The following FHIT variants were observed in gnomAD, a reference collection of about 807,000 sequenced individuals.
FHIT encodes fragile histidine triad diadenosine triphosphatase, also known as bis(5'-adenosyl)-triphosphatase.
A neutral mutation model predicts 17.9 loss-of-function variants in FHIT; 19 were observed. The observed-to-expected ratio is 1.06, with a 90% CI of 0.74 to 1.56. The LOEUF (loss-of-function observed/expected upper bound fraction) is 1.56. Ranked by LOEUF, FHIT falls within the 40% of genes most tolerant of loss-of-function variation. FHIT has a pLI of 0.00. For synonymous variants in FHIT, 81 were observed against 69.7 expected, an observed-to-expected ratio of 1.16 and a Z score of -0.81; for missense variants, 248 against 189.2, an observed-to-expected ratio of 1.31 and a Z score of -1.82.
At chr3:60,124,005 TATATAGAGAGAG>T (rs1188006422) in intron 5 of FHIT, among the ~76,000 whole-genome samples, 5 of 20,916 alleles carry the variant, frequency 2.4e-4, no homozygotes, top group African/African-American at 4.0e-4. Context: ...TATATATATA[TATATAGAGAGAG>T]AGAGAGAGAG....
intron 4 of FHIT, among the ~76,000 whole-genome samples, chr3:60,717,339 T>C (rs2041707385): frequency 6.6e-6 from 1 of 152,076 alleles, no homozygotes; most frequent in Admixed American, 6.6e-5. Context: ...CCACAAAAAT[T>C]TATGAGATGA....
intron 3 of FHIT, among the ~76,000 whole-genome samples, chr3:60,936,278 A>T (rs1708187031): frequency 6.6e-6 from 1 of 152,244 alleles, no homozygotes; most frequent in Admixed American, 6.5e-5. Flanking sequence ...CCTCCAAGTC[A>T]TCATTCATTT....
In FHIT at chr3:59,809,754, A is replaced by C. The variant is rs551274762; in HGVS notation, c.349-57433T>G. 2.6e-5 allele frequency among the ~76,000 whole-genome samples: 4 copies of C among 152,230 alleles called. No individual in the cohort carries two copies. In the East Asian group the frequency reaches 7.8e-4, roughly 30 times the overall value. ...CAGGAGAAGAGAAGATTGGCCTCAGACACTTCCGTCTTCAGACCTGTGCCT... is the reference window on the plus strand; with the variant it reads ...CAGGAGAAGAGAAGATTGGCCTCAGCCACTTCCGTCTTCAGACCTGTGCCT... On this transcript the variant is annotated intron_variant, in intron 8 of 9. Transcript: ENST00000492590.
chr3:60,328,558 T>A (rs1359727221), intron 5 of FHIT, among the ~76,000 whole-genome samples: 2 of 152,134 alleles, frequency 1.3e-5, no homozygotes, highest in Non-Finnish European at 2.9e-5. Context: ...CCCCCATGAT[T>A]CAATTACCTC....
At chr3:59,983,860 C>T (rs929177434) in intron 7 of FHIT, among the ~76,000 whole-genome samples, 8 of 151,944 alleles carry the variant, frequency 5.3e-5, no homozygotes, top group Admixed American at 6.6e-5. Flanking sequence ...CCCCTGTGGC[C>T]AAAGGGGATT....
intron 4 of FHIT, among the ~76,000 whole-genome samples, chr3:60,801,576 T>C (rs958054061): frequency 6.6e-6 from 1 of 152,258 alleles, no homozygotes; most frequent in African/African-American, 2.4e-5. Flanking sequence ...TCTTGGGCTA[T>C]CTGCCTGATA....
At chr3:60,054,681 G>T (rs1172586092) in intron 5 of FHIT, among the ~76,000 whole-genome samples, 2 of 152,128 alleles carry the variant, frequency 1.3e-5, no homozygotes, top group East Asian at 1.9e-4. Context: ...ATTAGATAGA[G>T]AACTACTAGA....
intron 4 of FHIT, among the ~76,000 whole-genome samples, chr3:60,597,819 T>C (rs1344022434): frequency 2.0e-5 from 3 of 152,154 alleles, no homozygotes; most frequent in Non-Finnish European, 4.4e-5. Context: ...GACCAAGCTA[T>C]GCAATTTGTA....
intron 2 of FHIT, among the ~76,000 whole-genome samples, chr3:61,166,032 A>G (rs1165494190): frequency 6.6e-6 from 1 of 152,198 alleles, no homozygotes; most frequent in African/African-American, 2.4e-5. Context: ...CTTTTGCCTC[A>G]TACATCAGCA....
At chr3:61,166,360 A>G (rs1254100567) in intron 2 of FHIT, among the ~76,000 whole-genome samples, 1 of 152,056 alleles carries the variant, frequency 6.6e-6, no homozygotes, top group East Asian at 1.9e-4. Context: ...TTTCTTCTCT[A>G]CTCCTCGTCT....
intron 5 of FHIT, among the ~76,000 whole-genome samples, chr3:60,357,694 G>A (rs765753577): frequency 1.3e-5 from 2 of 152,044 alleles, no homozygotes; most frequent in Non-Finnish European, 2.9e-5. Context: ...TTGTACTTAG[G>A]CATATTATTC....
At chr3:60,986,241 G>A (rs1458684969) in intron 3 of FHIT, among the ~76,000 whole-genome samples, 2 of 152,126 alleles carry the variant, frequency 1.3e-5, no homozygotes, top group Non-Finnish European at 2.9e-5. Context: ...TGATAGTCCA[G>A]GGTCCACACT....
At chr3:60,463,087 G>C (rs931379064) in intron 5 of FHIT, among the ~76,000 whole-genome samples, 5 of 152,246 alleles carry the variant, frequency 3.3e-5, no homozygotes, top group African/African-American at 1.2e-4. Context: ...TCACAAATAA[G>C]AAAGTTTAAA....
chr3:61,106,372 A>C (rs569477322), intron 2 of FHIT, among the ~76,000 whole-genome samples: 24 of 152,204 alleles, frequency 1.6e-4, no homozygotes, highest in Admixed American at 1.0e-3. Flanking sequence ...ATTATTATTA[A>C]CTGTAGTTAC....
At chr3:60,467,841 G>A (rs779579043) in intron 5 of FHIT, among the ~76,000 whole-genome samples, 8 of 152,082 alleles carry the variant, frequency 5.3e-5, no homozygotes, top group South Asian at 4.1e-4. Context: ...GGTCTGTACT[G>A]CAGATTAAGT....
chr3:59,894,907 C>G (rs1704003092), intron 8 of FHIT, among the ~76,000 whole-genome samples: 1 of 152,202 alleles, frequency 6.6e-6, no homozygotes, highest in Non-Finnish European at 1.5e-5. Context: ...CTACCACTAA[C>G]AGGAAAGGAA....
At chr3:60,897,698 C>T (rs1705900551) in intron 3 of FHIT, among the ~76,000 whole-genome samples, 1 of 152,132 alleles carries the variant, frequency 6.6e-6, no homozygotes, top group African/African-American at 2.4e-5. Flanking sequence ...TTTCTGCAGG[C>T]CCTTCATTTC....
chr3:61,206,748 A>T (rs914317781), intron 1 of FHIT, among the ~76,000 whole-genome samples: 6 of 151,966 alleles, frequency 3.9e-5, no homozygotes, highest in African/African-American at 1.4e-4. Flanking sequence ...TAGATATACA[A>T]TCATGTCATC....
Position 59,794,211 on chromosome 3 carries a change from G to T in FHIT, c.349-41890C>A, listed in dbSNP as rs73839174. Among the ~76,000 whole-genome samples, 1,131 of 152,268 alleles carry T rather than the reference G, an allele frequency of 7.4e-3. 22 individuals carry two copies. Among genetic ancestry groups the T allele is most frequent in the African/African-American group, 0.026 (1,088 of 41,542 alleles). On this transcript the variant is annotated intron_variant, in intron 8 of 9. Transcript: ENST00000492590. ...CTAGAACGTACCGTTGTCAGAACTT[G>T]ACTTAAACGAAACAACAGACATCAG...
Sources: gnomAD v4.1 joint callset for allele counts (sites outside exome capture counted in the v4.1 genomes callset) on GRCh38, gnomAD v4.1.1 for gene constraint, MANE v1.5 for transcripts, NCBI Gene and HGNC (gene_info 2026-07-23, HGNC 2026-07-21) for gene names.